RBFOX1: variants seen among roughly 807,000 people sequenced by gnomAD.
The protein encoded by RBFOX1 is RNA binding protein fox-1 homolog 1.
RBFOX1 carries 8 observed loss-of-function variants against 57.7 expected under a neutral mutation model. The observed-to-expected ratio is 0.14, with a 90% CI of 0.08 to 0.25. The LOEUF is 0.25. RBFOX1 is among the 10% of genes least tolerant of loss of function. RBFOX1 has a pLI of 1.00. For synonymous variants in RBFOX1, 326 were observed against 222.4 expected, an observed-to-expected ratio of 1.47 and a Z score of -4.15; for missense variants, 611 against 548.5, an observed-to-expected ratio of 1.11 and a Z score of -1.14.
At chr16:5,713,151 G>C (rs1343982492) in intron 3 of RBFOX1, among the ~76,000 whole-genome samples, 1 of 152,146 alleles carries the variant, frequency 6.6e-6, no homozygotes, top group African/African-American at 2.4e-5. Context: ...CTTGCTTCTG[G>C]ATTTCTTGTT....
At chr16:7,032,151 G>A (rs901175413) in intron 3 of RBFOX1, among the ~76,000 whole-genome samples, 1 of 152,114 alleles carries the variant, frequency 6.6e-6, no homozygotes, top group African/African-American at 2.4e-5. Context: ...TTGGCGGGGT[G>A]CGGTGGCCCA....
rs373682019 is a variant in RBFOX1, at chr16:7,268,290, G to A, written c.27+216192G>A. On this transcript the variant is annotated intron_variant, in intron 4 of 15. Transcript: ENST00000550418. ...TTTGCATTTTCAAAATATTTTGGGT[G>A]CTATTCAGGGAACGGACAGTAGGGG... Among the ~76,000 whole-genome samples, 20 of 152,304 alleles carry A rather than the reference G, an allele frequency of 1.3e-4. 2 individuals are homozygous for A. The highest frequency in any genetic ancestry group is 9.2e-4 in the Admixed American group (14 of 15,300).
intron 3 of RBFOX1, among the ~76,000 whole-genome samples, chr16:6,792,302 A>G (rs1276975883): frequency 6.6e-6 from 1 of 152,184 alleles, no homozygotes; most frequent in Non-Finnish European, 1.5e-5. Context: ...AGTTTGGAAA[A>G]CGTTGCTCAG....
chr16:5,451,149 C>T (rs949214496), intron 1 of RBFOX1, among the ~76,000 whole-genome samples: 3 of 152,176 alleles, frequency 2.0e-5, no homozygotes, highest in African/African-American at 7.2e-5. Flanking sequence ...AATATGGAGT[C>T]TGTCTGATGT....
intron 4 of RBFOX1, among the ~76,000 whole-genome samples, chr16:7,291,760 G>C: frequency 6.6e-6 from 1 of 151,642 alleles, no homozygotes; most frequent in East Asian, 1.9e-4. Flanking sequence ...TCATGGCTAG[G>C]GATGCGATAA....
chr16:7,676,476 C>T (rs1457904152), intron 13 of RBFOX1, among the ~76,000 whole-genome samples: 1 of 152,088 alleles, frequency 6.6e-6, no homozygotes, highest in Non-Finnish European at 1.5e-5. Context: ...CCCCATAATC[C>T]TCTCCACCCC....
At chr16:5,665,813 C>T (rs1036609670) in intron 3 of RBFOX1, among the ~76,000 whole-genome samples, 2 of 152,184 alleles carry the variant, frequency 1.3e-5, no homozygotes, top group African/African-American at 2.4e-5. Context: ...TTTATACCCA[C>T]GTGCTGCTGA....
chr16:7,375,354 C>T (rs2097665929), intron 4 of RBFOX1, among the ~76,000 whole-genome samples: 1 of 152,130 alleles, frequency 6.6e-6, no homozygotes, highest in Non-Finnish European at 1.5e-5. Flanking sequence ...ATAATTATAG[C>T]AGTAACTACT....
intron 4 of RBFOX1, among the ~76,000 whole-genome samples, chr16:7,148,307 A>G (rs138854820): frequency 2.6e-5 from 4 of 152,178 alleles, no homozygotes; most frequent in Non-Finnish European, 2.9e-5. Flanking sequence ...TTTCCTTTCA[A>G]TGTTGTTTAT....
At chr16:6,027,803 A>C (rs541874303) in intron 1 of RBFOX1, among the ~76,000 whole-genome samples, 45 of 152,284 alleles carry the variant, frequency 3.0e-4, no homozygotes, top group East Asian at 1.9e-3. Flanking sequence ...TCTTGACTGT[A>C]ACTGAGGTGA....
chr16:6,619,401 C>T (rs534684889), intron 2 of RBFOX1, among the ~76,000 whole-genome samples: 4 of 152,264 alleles, frequency 2.6e-5, no homozygotes, highest in African/African-American at 9.6e-5. Context: ...GGTGGGAGGG[C>T]TTGTTGATGT....
chr16:5,971,224 C>T lies in RBFOX1; in HGVS notation c.351+103889C>T, dbSNP rs573709980. 9.8e-5 allele frequency among the ~76,000 whole-genome samples: 15 copies of T among 152,318 alleles called. No homozygotes were observed. In the East Asian group the frequency reaches 2.1e-3, roughly 22 times the overall value. The stretch of plus-strand genomic sequence containing the variant: ...TTATTTTTCCTCAAGGAATTTATAT[C>T]ACAGTGGTGAGGATGTATTTCTGAG... On this transcript the variant is annotated intron_variant, in intron 4 of 19. Coordinates refer to the RBFOX1 transcript ENST00000641259.
chr16:5,881,689 GT>G (rs993265075), intron 4 of RBFOX1, among the ~76,000 whole-genome samples: 1 of 151,822 alleles, frequency 6.6e-6, no homozygotes, highest in Non-Finnish European at 1.5e-5. Context: ...CAAAAAAAAA[GT>G]TTTTTTAAAA....
chr16:6,641,734 CAAAAAAAAAAAAAAAAAAAAAA>C (rs869202831), intron 2 of RBFOX1, among the ~76,000 whole-genome samples: 853 of 68,850 alleles, frequency 0.012, 8 homozygotes, highest in African/African-American at 0.046. Context: ...GACTCCGTCT[CAAAAAAAAAAAAAAAAAAAAAA>C]AAAAAAAAAA....
chr16:6,227,577 C>T (rs944879239), intron 1 of RBFOX1, among the ~76,000 whole-genome samples: 3 of 151,610 alleles, frequency 2.0e-5, no homozygotes, highest in Non-Finnish European at 4.4e-5. Flanking sequence ...CAGCCACACG[C>T]CCTTCTCCTT....
chr16:6,264,745 CT>C (rs919567782), intron 1 of RBFOX1, among the ~76,000 whole-genome samples: 3 of 152,172 alleles, frequency 2.0e-5, no homozygotes, highest in Admixed American at 6.5e-5. Context: ...GTGCTCAGCT[CT>C]TTTTTGCAGC....
rs184517488 is a variant in RBFOX1 at position 5,380,451 on chromosome 16, C to G, written c.220-86765C>G. On this transcript the variant is annotated intron_variant, in intron 1 of 2. Coordinates refer to the RBFOX1 transcript ENST00000585867. ...TTGGAAAACTAAGGTCTGCTGTGAT[C>G]GTCTTTATACTAAATGTGCACTTGT... Among the ~76,000 whole-genome samples, 3 of 152,252 alleles carry G rather than the reference C, an allele frequency of 2.0e-5. No homozygotes were observed. The East Asian group carries it at 5.8e-4, about 29-fold the overall frequency.
At chr16:6,202,743 C>T (rs369461047) in intron 1 of RBFOX1, among the ~76,000 whole-genome samples, 18 of 152,028 alleles carry the variant, frequency 1.2e-4, no homozygotes, top group African/African-American at 4.3e-4. Flanking sequence ...CTCCAAAAGC[C>T]TCCTCCCACG....
chr16:5,980,080 G>C (rs2060142251), intron 4 of RBFOX1, among the ~76,000 whole-genome samples: 1 of 152,166 alleles, frequency 6.6e-6, no homozygotes. Context: ...CCTCTCTCTA[G>C]GAACTTAGGC....
Sources: allele counts gnomAD v4.1 joint callset (sites outside exome capture counted in the v4.1 genomes callset), GRCh38; gene constraint gnomAD v4.1.1; transcripts MANE v1.5; gene names NCBI Gene and HGNC (gene_info 2026-07-23, HGNC 2026-07-21).